The following MIEF2 variants were observed in gnomAD, a reference collection of about 807,000 sequenced individuals.
MIEF2 encodes mitochondrial dynamics protein MID49.
Under a neutral mutation model 7.4 loss-of-function variants are expected in MIEF2, and 1 was observed. The ratio of observed to expected loss-of-function variants is 0.14; its 90% CI spans 0.05 to 0.64. MIEF2 has a LOEUF of 0.64. Among genes scored for constraint, MIEF2 ranks in the 30% least tolerant of loss-of-function variants. The pLI is 0.85. For synonymous variants in MIEF2, 275 were observed against 290.5 expected (o/e 0.95, Z 0.54); for missense variants, 569 against 623.9 (o/e 0.91, Z 0.94).
chr17:18,265,599 A>T lies in MIEF2; in HGVS notation c.*835A>T, dbSNP rs1978705208. On this transcript the variant is annotated 3_prime_UTR_variant, in exon 4 of 4. Coordinates refer to ENST00000323019, the MANE Select transcript of MIEF2 (RefSeq NM_139162.4). ...CAGTGTGCCAAAATGAACTGCTCTC[A>T]GCTGATGGCTGTATTCTGACTTTGA... The T allele has an allele frequency of 6.6e-6, 1 of 152,364 alleles. No homozygotes were observed. The highest frequency in any genetic ancestry group is 2.4e-5 in the African/African-American group (1 of 41,466). 9.4% of individuals were successfully genotyped at this position (152,364 alleles called of 1,614,324 possible). A position where few individuals can be genotyped will look rare whatever the true frequency, so the allele number is the denominator to read the frequency against.
chr17:18,264,219 C>T lies in MIEF2; in HGVS notation c.820C>T (p.Leu274Phe), dbSNP rs370178861. The T allele has an allele frequency of 2.5e-6, 4 of 1,602,432 alleles. No individual in the cohort carries two copies. Among genetic ancestry groups the T allele is most frequent in the Non-Finnish European group, 3.4e-6 (4 of 1,179,486 alleles). ...TGTCAACTGGCCGGCCATTGGCAGC[C>T]TTCTCGGGTGCCTGATCCGGCCCAG... ...ASVNWPAIGSLLGCLIRPSMA... is the reference protein window; with the variant it reads ...ASVNWPAIGSFLGCLIRPSMA... Residue 274 changes from leucine (L) to phenylalanine (F), a missense_variant, in exon 4 of 4, where the codon CTT (leucine) becomes TTT (phenylalanine). Leu to Phe is a conservative substitution (Grantham distance 22). Coordinates refer to ENST00000323019, the MANE Select transcript of MIEF2 (RefSeq NM_139162.4).
At position 18,262,203 on chromosome 17, in the gene MIEF2, G is replaced by A. The variant is rs185876301; in HGVS notation, c.-7-511G>A. The stretch of plus-strand genomic sequence containing the variant: ...GGAGAATCCGTCAGACTCTGTGGGC[G>A]GATGAGAGTCTGGAGGCCTTGCAGT... On this transcript the variant is annotated intron_variant, in intron 1 of 3. Coordinates refer to ENST00000323019, the MANE Select transcript of MIEF2 (RefSeq NM_139162.4). Among the ~76,000 whole-genome samples the A allele has an allele frequency of 2.6e-5, 4 of 152,334 alleles. No homozygotes were observed. The East Asian group carries it at 5.8e-4, about 22-fold the overall frequency.
rs572592820 is a variant in MIEF2, at chr17:18,261,017, G to T, written c.-8+280G>T. ...CAGGCAGGTTTGGCGGAGGAGGGAA[G>T]GCCAAACGGCCTCCAGGGCCCCGCT... is the stretch of plus-strand genomic sequence containing the variant. On this transcript the variant is annotated intron_variant, in intron 1 of 3. Transcript: ENST00000323019. The T allele has an allele frequency of 1.0e-3, 1,351 of 1,311,568 alleles. 1 individual carries two copies. The highest frequency in any genetic ancestry group is 1.4e-3 in the Non-Finnish European group (1,290 of 934,980). The allele number at this position is 1,311,568 out of a possible 1,614,324, so 81.2% of individuals were successfully genotyped here. A position where few individuals can be genotyped will look rare whatever the true frequency, so the allele number is the denominator to read the frequency against.
chr17:18,262,477 C>T lies in MIEF2; in HGVS notation c.-7-237C>T, dbSNP rs190411785. On this transcript the variant is annotated intron_variant, in intron 1 of 3. Transcript: ENST00000323019. The stretch of plus-strand genomic sequence containing the variant: ...GATGGGGGCTTGGGACCCCAAAACC[C>T]AAGCTCATATCCCATCCCTGCCCTT... Among the ~76,000 whole-genome samples, 110 of 152,310 alleles carry T rather than the reference C, an allele frequency of 7.2e-4. 3 individuals carry two copies. The East Asian group carries it at 0.017, about 24-fold the overall frequency.
In MIEF2 at chr17:18,263,320, T is replaced by A. The variant is rs745492458; in HGVS notation, c.310+72T>A. The A allele has an allele frequency of 8.1e-4, 1,291 of 1,587,214 alleles. 1 individual carries two copies. The highest frequency in any genetic ancestry group is 9.5e-4 in the Non-Finnish European group (1,103 of 1,156,312). ...CAGCCCAGGCTTTGCCCTGACTGACTGTGTGACCCTGCGCGAGTCCCTGCT... is the reference window on the plus strand; with the variant it reads ...CAGCCCAGGCTTTGCCCTGACTGACAGTGTGACCCTGCGCGAGTCCCTGCT... On this transcript the variant is annotated intron_variant, in intron 3 of 3. Coordinates refer to ENST00000323019, the MANE Select transcript of MIEF2 (RefSeq NM_139162.4).
intron 3 of MIEF2, 88 bp from the exon 4 acceptor site, chr17:18,263,622 C>T: frequency 3.5e-6 from 5 of 1,446,650 alleles, no homozygotes; most frequent in Non-Finnish European, 3.6e-6. Context: ...AAGTGAGGCC[C>T]TGGGACATCA....
In MIEF2 at chr17:18,263,744, A is replaced by G; in HGVS notation, c.345A>G (p.Pro115=). The G allele has an allele frequency of 6.3e-7, 1 of 1,598,130 alleles. No individual in the cohort carries two copies. Among genetic ancestry groups the G allele is most frequent in the Middle Eastern group, 1.7e-4 (1 of 6,004 alleles). Residue 115 remains proline, a synonymous_variant, in exon 4 of 4, where the codon CCA becomes CCG. Coordinates refer to ENST00000323019, the MANE Select transcript of MIEF2 (RefSeq NM_139162.4). ...GPAETDPEVT[P]QLSSPAPLCL... The stretch of plus-strand genomic sequence containing the variant: ...CAGAAACTGATCCTGAGGTGACACC[A>G]CAGCTCAGCTCCCCAGCACCGCTGT...
Position 18,264,107 on chromosome 17 carries a change from G to A in MIEF2, c.708G>A (p.Gly236=). 6.4e-7 allele frequency: 1 copy of A among 1,554,330 alleles called. No individual in the cohort carries two copies. Among genetic ancestry groups the A allele is most frequent in the Non-Finnish European group, 8.7e-7 (1 of 1,155,686 alleles). Residue 236 remains glycine, a synonymous_variant, in exon 4 of 4, where the codon GGG becomes GGA. Coordinates refer to ENST00000323019, the MANE Select transcript of MIEF2 (RefSeq NM_139162.4). ...RRTQLEFCPR[G]SSPWDRFLVG... ...CGCAGCTTGAGTTCTGCCCCCGTGG[G>A]AGCAGCCCCTGGGACCGCTTCCTGG... is the stretch of plus-strand genomic sequence containing the variant.
intron 3 of MIEF2, chr17:18,263,509 G>A (rs376158288): frequency 1.6e-5 from 14 of 860,742 alleles, no homozygotes; most frequent in African/African-American, 5.1e-5. Flanking sequence ...AGCTGTTGTC[G>A]CCAGGGTGTT....
chr17:18,260,803 A>C, intron 1 of MIEF2, 66 bp downstream of exon 1: 2 of 326,130 alleles, frequency 6.1e-6, no homozygotes, highest in Non-Finnish European at 1.1e-5. Context: ...GCGCGACGGA[A>C]CGCAGATCGG....
intron 1 of MIEF2, 128 bp downstream of exon 1, chr17:18,260,865 G>T: frequency 1.9e-6 from 1 of 526,410 alleles, no homozygotes; most frequent in South Asian, 2.3e-5. Flanking sequence ...ACCTTTGGGG[G>T]ACCAAGGGCA....
In MIEF2 at chr17:18,264,058, C is replaced by T. The variant is rs1490895515; in HGVS notation, c.659C>T (p.Pro220Leu). ...VPGVDTVARD[P>L]RCWAVRRTQL... The stretch of plus-strand genomic sequence containing the variant: ...GGCGTGGACACTGTGGCGAGGGACC[C>T]TCGCTGCTGGGCCGTGCGCAGGACG... The change falls in exon 4 of 4, where the codon CCT becomes CTT. Residue 220 changes from proline to leucine, a missense_variant. Physicochemically the swap from Pro to Leu is moderately conservative, Grantham distance 98. Coordinates refer to ENST00000323019, the MANE Select transcript of MIEF2 (RefSeq NM_139162.4). 1 of 1,551,440 alleles carries T rather than the reference C, an allele frequency of 6.4e-7. No homozygotes were observed. The highest frequency in any genetic ancestry group is 8.7e-7 in the Non-Finnish European group (1 of 1,152,724).
Position 18,263,096 on chromosome 17 carries a change from G to A in MIEF2, c.158G>A (p.Arg53Lys). 1 of 1,613,226 alleles carries A rather than the reference G, an allele frequency of 6.2e-7. No individual in the cohort carries two copies. The highest frequency in any genetic ancestry group is 8.5e-7 in the Non-Finnish European group (1 of 1,179,814). The stretch of plus-strand genomic sequence containing the variant: ...TGACTGTGCTTGCAGTTCATTGACA[G>A]GGCCACTAGCCCGCGGGATGAGGAT... Reference protein sequence around the residue: ...ATLAVKRFIDRATSPRDEDDT... With the variant: ...ATLAVKRFIDKATSPRDEDDT... Residue 53 changes from arginine to lysine, a missense_variant, in exon 3 of 4, where the codon AGG becomes AAG. Physicochemically the swap from Arg to Lys is conservative, Grantham distance 26. Transcript: ENST00000323019.
In MIEF2 at chr17:18,264,671, C is replaced by T. The variant is rs763610080; in HGVS notation, c.1272C>T (p.Ser424=). The T allele has an allele frequency of 1.5e-5, 24 of 1,612,612 alleles. No homozygotes were observed. The highest frequency in any genetic ancestry group is 4.5e-5 in the East Asian group (2 of 44,874). The change falls in exon 4 of 4, where the codon AGC becomes AGT. Residue 424 remains serine, a synonymous_variant. Coordinates refer to ENST00000323019, the MANE Select transcript of MIEF2 (RefSeq NM_139162.4). ...GCCTGCCCTGCCACTTCAACCCCAGCGTGAACCTCTTCAGCAGCTTGCGTG... is the reference window on the plus strand; with the variant it reads ...GCCTGCCCTGCCACTTCAACCCCAGTGTGAACCTCTTCAGCAGCTTGCGTG... ...QASLPCHFNP[S]VNLFSSLREE...
At chr17:18,260,868 C>A (rs542617730) in intron 1 of MIEF2, 131 bp downstream of exon 1, 2 of 534,112 alleles carry the variant, frequency 3.7e-6, no homozygotes, top group East Asian at 6.5e-5. Context: ...TTTGGGGGAC[C>A]AAGGGCAGCG....
chr17:18,264,264 C>T lies in MIEF2; in HGVS notation c.865C>T (p.Leu289=). 6.2e-7 allele frequency: 1 copy of T among 1,605,858 alleles called. No individual in the cohort carries two copies. The change falls in exon 4 of 4, where the codon CTG becomes TTG. Residue 289 remains leucine, a synonymous_variant. Transcript: ENST00000323019. ...IRPSMASEEL[L]LEVQHERLEL... is the part of the protein sequence containing the mutation. ...GCCCAGCATGGCCTCGGAGGAGCTG[C>T]TGCTCGAGGTGCAGCACGAACGCCT... is the stretch of plus-strand genomic sequence containing the variant.
chr17:18,264,843 G>C lies in MIEF2; in HGVS notation c.*79G>C, dbSNP rs1978664749. On this transcript the variant is annotated 3_prime_UTR_variant, in exon 4 of 4. Coordinates refer to ENST00000323019, the MANE Select transcript of MIEF2 (RefSeq NM_139162.4). ...CCTCCCTTCCAGGGATTTGAATAGTGGTTTTTCTCTAGCTTTTTGCCAGAA... is the reference window on the plus strand; with the variant it reads ...CCTCCCTTCCAGGGATTTGAATAGTCGTTTTTCTCTAGCTTTTTGCCAGAA... The C allele has an allele frequency of 6.6e-7, 1 of 1,512,336 alleles. No homozygotes were observed. The highest frequency in any genetic ancestry group is 1.4e-5 in the African/African-American group (1 of 71,700). The allele number at this position is 1,512,336 out of a possible 1,614,324, so 93.7% of individuals were successfully genotyped here. A position where few individuals can be genotyped will look rare whatever the true frequency, so the allele number is the denominator to read the frequency against.
rs534960431 is a variant in MIEF2, at chr17:18,262,777, C to T, written c.57C>T (p.Ser19=). 7 of 1,602,974 alleles carry T rather than the reference C, an allele frequency of 4.4e-6. No individual in the cohort carries two copies. The South Asian group carries it at 4.5e-5, about 10-fold the overall frequency. Residue 19 remains serine, a synonymous_variant, in exon 2 of 4, where the codon AGC becomes AGT. Transcript: ENST00000323019. The stretch of plus-strand genomic sequence containing the variant: ...GGCGTAGCGACGAAGGGCTGGGCAG[C>T]ATGGTGGACTTCCTCCTGGCCAATG... ...GKRRSDEGLG[S]MVDFLLANAR...
At chr17:18,263,635 C>A in intron 3 of MIEF2, 75 bp from the exon 4 acceptor site, 1 of 1,461,434 alleles carries the variant, frequency 6.8e-7, no homozygotes, top group South Asian at 1.4e-5. Flanking sequence ...GGACATCACA[C>A]AGCTAGTTCT....
Sources: gnomAD v4.1 joint callset for allele counts (sites outside exome capture counted in the v4.1 genomes callset) on GRCh38, gnomAD v4.1.1 for gene constraint, MANE v1.5 for transcripts, NCBI Gene and HGNC (gene_info 2026-07-23, HGNC 2026-07-21) for gene names.